AMMECR1: variants seen among roughly 807,000 people sequenced by gnomAD.
AMMECR1 encodes the protein nuclear protein AMMECR1.
Under a neutral mutation model 22.5 loss-of-function variants are expected in AMMECR1, and 3 were observed. The observed-to-expected ratio is 0.13, with a 90% CI of 0.06 to 0.35. The LOEUF is 0.35. Among genes scored for constraint, AMMECR1 ranks in the 10% least tolerant of loss-of-function variants. The probability of loss-of-function intolerance (pLI) is 1.00; values close to 1 mark genes in which losing one functional copy is unlikely to be tolerated. For synonymous variants in AMMECR1, 130 were observed against 116.7 expected, an observed-to-expected ratio of 1.11 and a Z score of -0.74; for missense variants, 235 against 278.7, an observed-to-expected ratio of 0.84 and a Z score of 1.12.
intron 2 of AMMECR1, among the ~76,000 whole-genome samples, chrX:110,415,162 C>T (rs767895269): frequency 1.8e-5 from 2 of 111,947 alleles, no homozygotes; most frequent in African/African-American, 6.5e-5. Context: ...TCCCCAGGGC[C>T]GTAGCACCAG....
chrX:110,215,154 T>C (rs2067467218), intron 3 of AMMECR1, among the ~76,000 whole-genome samples: 1 of 112,149 alleles, frequency 8.9e-6, no homozygotes, highest in Non-Finnish European at 1.9e-5. Context: ...AGTATAAATT[T>C]ATTTTATTTC....
chrX:110,366,348 A>G (rs772782804), intron 2 of AMMECR1, among the ~76,000 whole-genome samples: 15 of 111,801 alleles, frequency 1.3e-4, no homozygotes, highest in Non-Finnish European at 2.6e-4. Flanking sequence ...GTCAACAGGT[A>G]ATGTGAATCT....
intron 2 of AMMECR1, among the ~76,000 whole-genome samples, chrX:110,406,258 G>GC (rs1270191081): frequency 1.0e-5 from 1 of 100,000 alleles, no homozygotes; most frequent in Non-Finnish European, 2.0e-5. Flanking sequence ...CCCTCCCCTA[G>GC]CCCCCCACGC....
At chrX:110,275,127 C>G (rs1178718451) in intron 1 of AMMECR1, among the ~76,000 whole-genome samples, 1 of 110,919 alleles carries the variant, frequency 9.0e-6, no homozygotes, top group Non-Finnish European at 1.9e-5. Context: ...GGGAAAATGT[C>G]TTTTATATTT....
intron 2 of AMMECR1, among the ~76,000 whole-genome samples, chrX:110,227,403 G>C (rs1010754188): frequency 5.4e-5 from 6 of 111,723 alleles, no homozygotes; most frequent in African/African-American, 2.0e-4. Flanking sequence ...GGGACTAAAG[G>C]TAACTAAAGA....
chrX:110,318,385 C>T (rs1003082747), upstream of AMMECR1: 3 of 111,280 alleles, frequency 2.7e-5, no homozygotes, highest in African/African-American at 9.8e-5. Context: ...GACAGGAAGC[C>T]GATTAGAAAG....
chrX:110,256,584 G>A (rs1602834124), intron 2 of AMMECR1, among the ~76,000 whole-genome samples: 1 of 111,579 alleles, frequency 9.0e-6, no homozygotes, highest in African/African-American at 3.2e-5. Flanking sequence ...AGAAAAACTA[G>A]AGTTGTTTCT....
intron 1 of AMMECR1, among the ~76,000 whole-genome samples, chrX:110,429,355 C>T (rs1370049634): frequency 1.8e-5 from 2 of 111,241 alleles, no homozygotes; most frequent in Non-Finnish European, 3.8e-5. Flanking sequence ...ACAGTAGACA[C>T]TGCAAACCTG....
chrX:110,413,087 C>A (rs760668371), intron 2 of AMMECR1, among the ~76,000 whole-genome samples: 3 of 111,607 alleles, frequency 2.7e-5, no homozygotes, highest in African/African-American at 9.8e-5. Context: ...TCTGTCCTCT[C>A]CCATACCATC....
chrX:110,397,029 T>C (rs756807452), intron 2 of AMMECR1, among the ~76,000 whole-genome samples: 1 of 112,217 alleles, frequency 8.9e-6, no homozygotes, highest in East Asian at 2.8e-4. Context: ...ACATTTCTCC[T>C]GTCTTTCTAG....
chrX:110,213,889 A>C (rs2067459502), intron 3 of AMMECR1, among the ~76,000 whole-genome samples: 1 of 111,218 alleles, frequency 9.0e-6, no homozygotes, highest in Non-Finnish European at 1.9e-5. Context: ...AACTAACTGA[A>C]AAGGATGGGC....
intron 2 of AMMECR1, among the ~76,000 whole-genome samples, chrX:110,339,414 A>G (rs1188953248): frequency 1.2e-3 from 125 of 108,558 alleles, no homozygotes; most frequent in African/African-American, 4.0e-3. Flanking sequence ...AAAAAAAAAA[A>G]AAAAAAAAAA....
intron 2 of AMMECR1, among the ~76,000 whole-genome samples, chrX:110,252,877 G>A (rs1175246041): frequency 8.9e-6 from 1 of 112,261 alleles, no homozygotes; most frequent in Non-Finnish European, 1.9e-5. Flanking sequence ...GTGCTACGGA[G>A]AAAAATGAAG....
intron 2 of AMMECR1, among the ~76,000 whole-genome samples, chrX:110,381,468 G>T (rs1168032675): frequency 8.9e-6 from 1 of 111,968 alleles, no homozygotes; most frequent in Non-Finnish European, 1.9e-5. Flanking sequence ...TGTATACATT[G>T]CTGGTGGCAA....
At chrX:110,433,171 C>A (rs1372620956) in intron 1 of AMMECR1, among the ~76,000 whole-genome samples, 1 of 112,452 alleles carries the variant, frequency 8.9e-6, no homozygotes, top group Non-Finnish European at 1.9e-5. Flanking sequence ...AAAACCAGGA[C>A]CCTCAAGCCG....
At chrX:110,228,254 AT>A (rs2148178636) in intron 2 of AMMECR1, among the ~76,000 whole-genome samples, 1 of 111,794 alleles carries the variant, frequency 8.9e-6, no homozygotes, top group African/African-American at 3.2e-5. Context: ...AAACAGCCCC[AT>A]GAAATAGACA....
At chrX:110,238,060 C>CTTTTGTGTAGT (rs1264674791) in intron 2 of AMMECR1, among the ~76,000 whole-genome samples, 1 of 111,726 alleles carries the variant, frequency 9.0e-6, no homozygotes, top group African/African-American at 3.3e-5. Context: ...ACTGTAACAT[C>CTTTTGTGTAGT]ATAATTACAA....
intron 2 of AMMECR1, among the ~76,000 whole-genome samples, chrX:110,246,159 T>C (rs1245942500): frequency 1.8e-5 from 2 of 112,086 alleles, no homozygotes; most frequent in Non-Finnish European, 3.8e-5. Context: ...TAAACTTGTA[T>C]TTCAACTGTT....
chrX:110,265,241 C>T (rs2148198880), intron 1 of AMMECR1, among the ~76,000 whole-genome samples: 1 of 111,402 alleles, frequency 9.0e-6, no homozygotes, highest in South Asian at 3.7e-4. Context: ...GTCCAAATGC[C>T]ATAATTTAAG....
Sources: allele counts gnomAD v4.1 joint callset (sites outside exome capture counted in the v4.1 genomes callset), GRCh38; gene constraint gnomAD v4.1.1; transcripts MANE v1.5; gene names NCBI Gene and HGNC (gene_info 2026-07-23, HGNC 2026-07-21).